Variants in CRISPLD2 observed in about 807,000 individuals in gnomAD.
The protein encoded by CRISPLD2 is cysteine rich secretory protein LCCL domain containing 2.
In CRISPLD2, 47 loss-of-function variants were observed where a neutral mutation model predicts 71.1. That is an observed-to-expected ratio of 0.66 (90% CI 0.52 to 0.84). The LOEUF is 0.84. Ranked by LOEUF, CRISPLD2 falls within the 40% of genes least tolerant of loss-of-function variation. CRISPLD2 has a pLI of 0.00. For synonymous variants in CRISPLD2, 317 were observed against 250.1 expected (o/e 1.27, Z -2.52); for missense variants, 830 against 651.1 (o/e 1.27, Z -2.99).
intron 12 of CRISPLD2, among the ~76,000 whole-genome samples, chr16:84,879,749 T>C (rs1597475560): frequency 6.6e-6 from 1 of 152,266 alleles, no homozygotes; most frequent in Admixed American, 6.5e-5. Context: ...CTGTTTCAAC[T>C]TCTCAGTCCC....
At chr16:84,903,835 A>G (rs912351893) in intron 14 of CRISPLD2, among the ~76,000 whole-genome samples, 1 of 152,190 alleles carries the variant, frequency 6.6e-6, no homozygotes, top group Admixed American at 6.5e-5. Context: ...GTTTGTTCAA[A>G]AAAGTGTGGA....
chr16:84,899,692 C>T (rs1328630729), intron 14 of CRISPLD2, among the ~76,000 whole-genome samples: 1 of 152,164 alleles, frequency 6.6e-6, no homozygotes, highest in Non-Finnish European at 1.5e-5. Context: ...CCAAGGTGAG[C>T]AGGTTGTTTA....
At chr16:84,843,182 A>G (rs1197676580) in intron 2 of CRISPLD2, among the ~76,000 whole-genome samples, 1 of 152,132 alleles carries the variant, frequency 6.6e-6, no homozygotes, top group Non-Finnish European at 1.5e-5. Flanking sequence ...CTGAGCCTTC[A>G]TGGATGCTAC....
chr16:84,895,152 C>T (rs1407187113), intron 14 of CRISPLD2, among the ~76,000 whole-genome samples: 3 of 152,172 alleles, frequency 2.0e-5, no homozygotes, highest in Admixed American at 2.0e-4. Context: ...AAGTAGGAAC[C>T]GTCATTATCC....
intron 1 of CRISPLD2, among the ~76,000 whole-genome samples, chr16:84,829,479 G>C (rs1388506853): frequency 1.3e-5 from 2 of 152,190 alleles, no homozygotes; most frequent in Non-Finnish European, 2.9e-5. Context: ...TTGTGGGTAT[G>C]ACTCTGATCT....
intron 1 of CRISPLD2, among the ~76,000 whole-genome samples, chr16:84,836,953 C>G (rs372123990): frequency 6.6e-6 from 1 of 152,178 alleles, no homozygotes; most frequent in Non-Finnish European, 1.5e-5. Flanking sequence ...TTAGAGTCAG[C>G]CTTGTCCTGC....
At chr16:84,822,837 CT>C (rs1418361766) in intron 1 of CRISPLD2, among the ~76,000 whole-genome samples, 6 of 152,158 alleles carry the variant, frequency 3.9e-5, no homozygotes, top group African/African-American at 1.4e-4. Flanking sequence ...TTCTGTTTTT[CT>C]TTTTCCTGAA....
At position 84,881,203 on chromosome 16, in the gene CRISPLD2, C is replaced by T. The variant is rs151215532; in HGVS notation, c.1305+619C>T. On this transcript the variant is annotated intron_variant, in intron 13 of 14. Coordinates refer to ENST00000262424, the MANE Select transcript of CRISPLD2 (RefSeq NM_031476.4). ...TTTTCCGGCTATTTAGTCATCTTCC[C>T]AGCTCTCCGGATGCATTTATAGAAA... Among the ~76,000 whole-genome samples, 427 of 152,292 alleles carry T rather than the reference C, an allele frequency of 2.8e-3. 5 individuals are homozygous for T. Among genetic ancestry groups the T allele is most frequent in the East Asian group, 0.021 (110 of 5,194 alleles).
At chr16:84,825,637 T>A (rs1470071542) in intron 1 of CRISPLD2, among the ~76,000 whole-genome samples, 1 of 152,060 alleles carries the variant, frequency 6.6e-6, no homozygotes, top group Non-Finnish European at 1.5e-5. Context: ...ACGCCTGTAA[T>A]CCCAGCTACT....
chr16:84,906,792 G>A lies in CRISPLD2; in HGVS notation c.*150G>A, dbSNP rs2143402354. On this transcript the variant is annotated 3_prime_UTR_variant, in exon 15 of 15. Coordinates refer to ENST00000262424, the MANE Select transcript of CRISPLD2 (RefSeq NM_031476.4). ...CATCACTTTGTGGCCTGTGGGTGAGGTGACATCTCATCCCCTCACTGAAGC... is the reference window on the plus strand; with the variant it reads ...CATCACTTTGTGGCCTGTGGGTGAGATGACATCTCATCCCCTCACTGAAGC... The A allele has an allele frequency of 2.3e-6, 2 of 882,994 alleles. No homozygotes were observed. The highest frequency in any genetic ancestry group is 3.7e-6 in the Non-Finnish European group (2 of 539,626). 54.7% of individuals were successfully genotyped at this position (882,994 alleles called of 1,614,324 possible).
At chr16:84,840,800 C>T (rs1037810479) in intron 2 of CRISPLD2, among the ~76,000 whole-genome samples, 1 of 152,152 alleles carries the variant, frequency 6.6e-6, no homozygotes, top group Non-Finnish European at 1.5e-5. Context: ...CCTCAGCCTC[C>T]GACAGTGCTG....
intron 6 of CRISPLD2, among the ~76,000 whole-genome samples, chr16:84,865,199 A>G (rs571231276): frequency 2.7e-5 from 4 of 148,166 alleles, no homozygotes; most frequent in Non-Finnish European, 5.9e-5. Flanking sequence ...TCTGTCGCCC[A>G]GGCTGGAGTG....
intron 6 of CRISPLD2, among the ~76,000 whole-genome samples, chr16:84,857,529 C>T (rs890921663): frequency 2.6e-5 from 4 of 152,220 alleles, no homozygotes; most frequent in African/African-American, 7.2e-5. Context: ...AATCGCACAT[C>T]TGGCCATTTC....
intron 8 of CRISPLD2, among the ~76,000 whole-genome samples, chr16:84,869,968 A>G (rs1199272361): frequency 6.6e-6 from 1 of 152,236 alleles, no homozygotes; most frequent in East Asian, 1.9e-4. Context: ...GGAGAAGGCA[A>G]GAATCTGTCC....
At chr16:84,873,892 C>G (rs201649336) in intron 10 of CRISPLD2, 28 bp from the exon 11 acceptor site, 3 of 1,382,280 alleles carry the variant, frequency 2.2e-6, no homozygotes, top group African/African-American at 3.6e-5. Context: ...ACCTAATGCC[C>G]GTTTTTTTTT....
intron 1 of CRISPLD2, among the ~76,000 whole-genome samples, chr16:84,821,565 A>G (rs1047169431): frequency 5.9e-5 from 9 of 152,094 alleles, no homozygotes; most frequent in African/African-American, 1.9e-4. Context: ...GGTGGGTCCT[A>G]TCTGCACTCT....
chr16:84,824,830 C>A (rs1277453047), intron 1 of CRISPLD2, among the ~76,000 whole-genome samples: 1 of 152,144 alleles, frequency 6.6e-6, no homozygotes, highest in South Asian at 2.1e-4. Flanking sequence ...TGGGGCCAGG[C>A]GCGGTGGCTC....
At chr16:84,883,401 G>C (rs111619601) in intron 13 of CRISPLD2, among the ~76,000 whole-genome samples, 2 of 152,208 alleles carry the variant, frequency 1.3e-5, no homozygotes, top group Admixed American at 1.3e-4. Context: ...CAGAAGCATC[G>C]GGGTGTGGCC....
At chr16:84,896,017 T>A (rs1429724695) in intron 14 of CRISPLD2, among the ~76,000 whole-genome samples, 1 of 151,648 alleles carries the variant, frequency 6.6e-6, no homozygotes, top group Non-Finnish European at 1.5e-5. Context: ...GGGGTGAGAC[T>A]CTGGGAGAAC....
Sources: gnomAD v4.1 joint callset for allele counts (sites outside exome capture counted in the v4.1 genomes callset) on GRCh38, gnomAD v4.1.1 for gene constraint, MANE v1.5 for transcripts, NCBI Gene and HGNC (gene_info 2026-07-23, HGNC 2026-07-21) for gene names.